TMEM74: variants seen among roughly 807,000 people sequenced by gnomAD.
TMEM74 encodes transmembrane protein 74.
In TMEM74, 13 loss-of-function variants were observed where a neutral mutation model predicts 18.1. The observed-to-expected ratio is 0.72, with a 90% confidence interval of 0.47 to 1.14. TMEM74 has a LOEUF of 1.14. TMEM74 is among the 50% of genes most tolerant of loss of function. The probability of loss-of-function intolerance (pLI) is 0.00; values close to 1 mark genes in which losing one functional copy is unlikely to be tolerated. For missense variants in TMEM74, 372 were observed against 375.9 expected (o/e 0.99, Z 0.09); for synonymous variants, 159 against 146.6 (o/e 1.08, Z -0.61).
At chr8:108,725,388 G>A (rs1427758711) in intron 1 of TMEM74, among the ~76,000 whole-genome samples, 1 of 152,038 alleles carries the variant, frequency 6.6e-6, no homozygotes, top group African/African-American at 2.4e-5. Context: ...GAAAATAGGG[G>A]CTCAAAACCA....
chr8:108,772,689 G>A (rs1043820233), intron 1 of TMEM74, among the ~76,000 whole-genome samples: 2 of 152,122 alleles, frequency 1.3e-5, no homozygotes, highest in Admixed American at 6.6e-5. Context: ...TAGATGAAAA[G>A]AGCATGAATT....
In TMEM74 at chr8:108,784,213, C is replaced by T. The variant is rs780390258; in HGVS notation, c.886G>A (p.Val296Ile). ...TGTACAGCAAGCGCATCTTCCTCTACCAAGGACAGTTCCAGAGTGTTTTCA... is the reference window on the plus strand; with the variant it reads ...TGTACAGCAAGCGCATCTTCCTCTATCAAGGACAGTTCCAGAGTGTTTTCA... ...TNENTLELSL[V>I]EEDALAVQS is the part of the protein sequence containing the mutation. Residue 296 changes from valine (V) to isoleucine (I), a missense_variant, in exon 2 of 2, where the codon GTA becomes ATA. By Grantham distance (29) the Val-to-Ile change is conservative. Transcript: ENST00000297459. 1 of 1,613,676 alleles carries T rather than the reference C, an allele frequency of 6.2e-7. No individual in the cohort carries two copies. Among genetic ancestry groups the T allele is most frequent in the South Asian group, 1.1e-5 (1 of 90,992 alleles).
rs1814331417 is a variant in TMEM74 at position 108,783,319 on chromosome 8, T to C, written c.*862A>G. ...TCAGGCCTGTCTAGATGTTTAGATG[T>C]CTGGAAATATATTTAAAATGTCTCA... On this transcript the variant is annotated 3_prime_UTR_variant, in exon 2 of 2. Coordinates refer to ENST00000297459, the MANE Select transcript of TMEM74 (RefSeq NM_153015.3). Among the ~76,000 whole-genome samples the C allele has an allele frequency of 6.6e-6, 1 of 152,206 alleles. No individual in the cohort carries two copies. The highest frequency in any genetic ancestry group is 6.5e-5 in the Admixed American group (1 of 15,286).
At chr8:108,689,577 G>A (rs897246637) in intron 1 of TMEM74, among the ~76,000 whole-genome samples, 2 of 152,164 alleles carry the variant, frequency 1.3e-5, no homozygotes, top group African/African-American at 4.8e-5. Flanking sequence ...TGTAATTCTT[G>A]AAATATAAGA....
At chr8:108,698,240 G>GT (rs1457546944) in intron 1 of TMEM74, among the ~76,000 whole-genome samples, 1 of 152,150 alleles carries the variant, frequency 6.6e-6, no homozygotes, top group Non-Finnish European at 1.5e-5. Flanking sequence ...ATTAAAATCT[G>GT]TTTGACTTTC....
chr8:108,629,187 ACAC>A (rs1812525988), intron 2 of TMEM74, among the ~76,000 whole-genome samples: 1 of 152,070 alleles, frequency 6.6e-6, no homozygotes, highest in African/African-American at 2.4e-5. Flanking sequence ...CATAAAGCAT[ACAC>A]AAGTATCAAT....
At chr8:108,702,876 A>G (rs1813351183) in intron 1 of TMEM74, among the ~76,000 whole-genome samples, 1 of 151,830 alleles carries the variant, frequency 6.6e-6, no homozygotes, top group Non-Finnish European at 1.5e-5. Context: ...TCTAAAAATA[A>G]AGCCTGTTAA....
chr8:108,737,018 A>G (rs1457965730), intron 1 of TMEM74, among the ~76,000 whole-genome samples: 3 of 152,132 alleles, frequency 2.0e-5, no homozygotes, highest in African/African-American at 7.2e-5. Flanking sequence ...TTAACTTTAT[A>G]AAATAGAAAA....
At chr8:108,607,527 T>A (rs1025468760) in exon 4 of TMEM74, 15 of 152,252 alleles carry the variant, frequency 9.9e-5, no homozygotes, top group Admixed American at 9.2e-4. Flanking sequence ...GGCCTGTTGG[T>A]GTTATGGTAA....
At chr8:108,693,700 C>T (rs917091031) in intron 1 of TMEM74, among the ~76,000 whole-genome samples, 2 of 152,174 alleles carry the variant, frequency 1.3e-5, no homozygotes, top group African/African-American at 4.8e-5. Context: ...AAAGCAGCAA[C>T]CTATTCACTG....
intron 2 of TMEM74, among the ~76,000 whole-genome samples, chr8:108,628,504 T>C (rs1812518728): frequency 6.6e-6 from 1 of 152,102 alleles, no homozygotes; most frequent in Non-Finnish European, 1.5e-5. Context: ...GGTGTATACA[T>C]GCCACATTTT....
chr8:108,761,169 G>A (rs1390672345), intron 1 of TMEM74, among the ~76,000 whole-genome samples: 2 of 152,132 alleles, frequency 1.3e-5, no homozygotes, highest in South Asian at 2.1e-4. Flanking sequence ...AGACTCTGGG[G>A]ATGAAAAGCG....
intron 1 of TMEM74, among the ~76,000 whole-genome samples, chr8:108,759,515 T>C (rs529131822): frequency 7.9e-5 from 12 of 152,106 alleles, no homozygotes; most frequent in Non-Finnish European, 1.5e-4. Context: ...TAAATAATGA[T>C]ATGTCCATAA....
chr8:108,693,747 G>A (rs2130609411), intron 1 of TMEM74, among the ~76,000 whole-genome samples: 1 of 152,332 alleles, frequency 6.6e-6, no homozygotes, highest in South Asian at 2.1e-4. Flanking sequence ...TTGATTTTAT[G>A]TGCATGTCAA....
intron 2 of TMEM74, among the ~76,000 whole-genome samples, chr8:108,614,438 G>A (rs1339847539): frequency 1.3e-5 from 2 of 152,068 alleles, no homozygotes; most frequent in African/African-American, 2.4e-5. Flanking sequence ...GAGGCTAAAA[G>A]GGAATAGAAA....
At chr8:108,654,138 T>C (rs1438184208) in intron 2 of TMEM74, among the ~76,000 whole-genome samples, 3 of 152,128 alleles carry the variant, frequency 2.0e-5, no homozygotes, top group African/African-American at 7.2e-5. Context: ...TTCTTAGATC[T>C]TGAGCTTGCA....
rs111889050 is a variant in TMEM74, at chr8:108,706,478, A to C, written n.120-51041T>G. Among the ~76,000 whole-genome samples, 380 of 152,182 alleles carry C rather than the reference A, an allele frequency of 2.5e-3. 1 individual carries two copies. Among genetic ancestry groups the C allele is most frequent in the Non-Finnish European group, 3.8e-3 (258 of 68,016 alleles). ...GCTCATCACCTCTTTTAAGTCTTGGAGGTTTGGTTTAATAATGTCAATGTA... is the reference window on the plus strand; with the variant it reads ...GCTCATCACCTCTTTTAAGTCTTGGCGGTTTGGTTTAATAATGTCAATGTA... On this transcript the variant is annotated intron_variant and non_coding_transcript_variant, in intron 1 of 3. Coordinates refer to the TMEM74 transcript ENST00000518838.
chr8:108,632,981 T>C (rs1259801188), intron 2 of TMEM74, among the ~76,000 whole-genome samples: 1 of 151,998 alleles, frequency 6.6e-6, no homozygotes, highest in African/African-American at 2.4e-5. Context: ...AGTTAATGAT[T>C]CCGTACTGGG....
At chr8:108,700,912 G>C (rs559911350) in intron 1 of TMEM74, among the ~76,000 whole-genome samples, 21 of 147,134 alleles carry the variant, frequency 1.4e-4, no homozygotes, top group South Asian at 1.3e-3. Flanking sequence ...TTTTTGAGGA[G>C]TATCTGGAAC....
Sources: gnomAD v4.1 joint callset for allele counts (sites outside exome capture counted in the v4.1 genomes callset) on GRCh38, gnomAD v4.1.1 for gene constraint, MANE v1.5 for transcripts, NCBI Gene and HGNC (gene_info 2026-07-23, HGNC 2026-07-21) for gene names.